CCDC158: variants seen among roughly 807,000 people sequenced by gnomAD.
CCDC158 encodes the protein coiled-coil domain containing 158.
A neutral mutation model predicts 138.6 loss-of-function variants in CCDC158; 116 were observed. The observed-to-expected ratio is 0.84, with a 90% CI of 0.72 to 0.98. The LOEUF (loss-of-function observed/expected upper bound fraction) is 0.98, where lower values mean the gene tolerates loss of function less well. Among genes scored for constraint, CCDC158 ranks in the 50% least tolerant of loss-of-function variants. The pLI, the probability that CCDC158 is intolerant of heterozygous loss-of-function variation, is 0.00. For synonymous variants in CCDC158, 436 were observed against 442.4 expected (o/e 0.99, Z 0.18); for missense variants, 1,265 against 1,306.1 (o/e 0.97, Z 0.48).
At chr4:76,351,675 G>A (rs769141931) in intron 17 of CCDC158, 45 bp downstream of exon 17, 1 of 1,139,102 alleles carries the variant, frequency 8.8e-7, no homozygotes, top group South Asian at 1.3e-5. Context: ...GCATATCAAA[G>A]AACGGCATTA....
At chr4:76,407,071 C>G (rs1009187401) in intron 2 of CCDC158, among the ~76,000 whole-genome samples, 2 of 151,998 alleles carry the variant, frequency 1.3e-5, no homozygotes, top group African/African-American at 4.8e-5. Context: ...GGGTGAGGAC[C>G]ACTAAAGTGA....
At chr4:76,316,923 A>AG (rs57553907) in intron 24 of CCDC158, among the ~76,000 whole-genome samples, 1 of 148,108 alleles carries the variant, frequency 6.8e-6, no homozygotes, top group African/African-American at 2.5e-5. Flanking sequence ...AAAAAAAAAA[A>AG]TGCTGAGAGA....
At position 76,411,261 on chromosome 4, in the gene CCDC158, G is replaced by A. The variant is rs186150579; in HGVS notation, c.-74+829C>T. On this transcript the variant is annotated intron_variant, in intron 2 of 24. Coordinates refer to ENST00000682701, the MANE Select transcript of CCDC158 (RefSeq NM_001394954.1). ...TACAAAAAATGAAAAAATTAGCCGG[G>A]CATGGTGGTACTTGCCTGTAGTCCC... Among the ~76,000 whole-genome samples the A allele has an allele frequency of 5.3e-5, 8 of 152,188 alleles. No individual in the cohort carries two copies. In the East Asian group the frequency reaches 1.5e-3, roughly 29 times the overall value.
At chr4:76,406,820 T>C (rs10020290) in intron 2 of CCDC158, among the ~76,000 whole-genome samples, 4,043 of 152,094 alleles carry the variant, frequency 0.027, 174 homozygotes, top group African/African-American at 0.092. Context: ...TGACATACAT[T>C]AAAATAGTAA....
At chr4:76,344,825 G>C in intron 18 of CCDC158, 1 of 1,599,304 alleles carries the variant, frequency 6.3e-7, no homozygotes. Context: ...TGCAGAAACC[G>C]GGAGAGGGTG....
At chr4:76,391,683 GA>G (rs772764181) in intron 4 of CCDC158, among the ~76,000 whole-genome samples, 1 of 151,592 alleles carries the variant, frequency 6.6e-6, no homozygotes, top group Non-Finnish European at 1.5e-5. Context: ...ATAAAGATCA[GA>G]GCAGAAATAA....
intron 18 of CCDC158, among the ~76,000 whole-genome samples, 189 bp from the exon 19 acceptor site, chr4:76,334,356 T>C (rs183586009): frequency 7.6e-4 from 116 of 152,274 alleles, no homozygotes; most frequent in Non-Finnish European, 9.0e-4. Flanking sequence ...GAGTACTATA[T>C]CTAATTTATA....
At chr4:76,351,989 A>T in intron 16 of CCDC158, 177 bp from the exon 17 acceptor site, 1 of 534,026 alleles carries the variant, frequency 1.9e-6, no homozygotes, top group Non-Finnish European at 3.3e-6. Context: ...ACTGGAGGCC[A>T]TGTTTTTATC....
chr4:76,420,387 G>A (rs28587474), intron 1 of CCDC158, among the ~76,000 whole-genome samples: 4,582 of 152,270 alleles, frequency 0.03, 217 homozygotes, highest in African/African-American at 0.1. Flanking sequence ...TTCAGCATGA[G>A]GCACAAACAA....
At chr4:76,376,981 A>G (rs2870231) in intron 9 of CCDC158, among the ~76,000 whole-genome samples, 4,481 of 152,354 alleles carry the variant, frequency 0.029, 221 homozygotes, top group African/African-American at 0.1. Context: ...GTTTGTATCT[A>G]TATGACCCCA....
At chr4:76,417,305 T>C (rs556240089) in intron 1 of CCDC158, among the ~76,000 whole-genome samples, 2 of 152,352 alleles carry the variant, frequency 1.3e-5, no homozygotes, top group South Asian at 4.1e-4. Context: ...TAGCTTGTTT[T>C]TGATTTTACA....
intron 1 of CCDC158, among the ~76,000 whole-genome samples, chr4:76,416,985 G>A (rs1223672673): frequency 6.6e-6 from 1 of 152,164 alleles, no homozygotes; most frequent in Non-Finnish European, 1.5e-5. Context: ...CCAACACCTT[G>A]CACTGTGCAC....
chr4:76,348,421 C>A (rs1177103066), intron 18 of CCDC158, among the ~76,000 whole-genome samples: 7 of 111,282 alleles, frequency 6.3e-5, no homozygotes, highest in Non-Finnish European at 1.0e-4. Context: ...GGCAACAGAG[C>A]AATACTCTGT....
At chr4:76,367,139 AT>A (rs1724751726) in intron 12 of CCDC158, among the ~76,000 whole-genome samples, 154 bp downstream of exon 12, 3 of 147,622 alleles carry the variant, frequency 2.0e-5, no homozygotes, top group South Asian at 2.2e-4. Flanking sequence ...AAAAGTATTT[AT>A]CCTTTCTCAC....
Position 76,313,135 on chromosome 4 carries a change from C to A in CCDC158, c.*35G>T, listed in dbSNP as rs1030017038. The A allele has an allele frequency of 7.2e-7, 1 of 1,380,406 alleles. No individual in the cohort carries two copies. The highest frequency in any genetic ancestry group is 1.0e-6 in the Non-Finnish European group (1 of 992,084). The allele number at this position is 1,380,406 out of a possible 1,614,324, so 85.5% of individuals were successfully genotyped here. A position where few individuals can be genotyped will look rare whatever the true frequency, so the allele number is the denominator to read the frequency against. ...ACGAGTAACACCACAATTAATTGGG[C>A]CTCATTCCTCTGTAAAGAATAGGCA... On this transcript the variant is annotated 3_prime_UTR_variant, in exon 25 of 25. Transcript: ENST00000682701.
intron 23 of CCDC158, among the ~76,000 whole-genome samples, chr4:76,323,690 G>A (rs1263544762): frequency 3.9e-5 from 6 of 152,196 alleles, no homozygotes; most frequent in Non-Finnish European, 8.8e-5. Context: ...TAAGATGGGT[G>A]AAAAGAACAC....
intron 10 of CCDC158, 39 bp downstream of exon 10, chr4:76,371,378 C>A: frequency 6.3e-7 from 1 of 1,584,804 alleles, no homozygotes; most frequent in Non-Finnish European, 8.6e-7. Flanking sequence ...AAAAACTTCC[C>A]AGAATTAGTC....
At chr4:76,367,827 G>A (rs1347860265) in intron 11 of CCDC158, 51 bp from the exon 12 acceptor site, 2 of 1,515,532 alleles carry the variant, frequency 1.3e-6, no homozygotes, top group Non-Finnish European at 1.8e-6. Context: ...ATAGGTATAG[G>A]CAACCTCAAG....
rs781102118 is a variant in CCDC158, at chr4:76,353,229, G to A, written c.2339C>T (p.Thr780Ile). The A allele has an allele frequency of 3.1e-6, 5 of 1,613,106 alleles. No individual in the cohort carries two copies. In the Admixed American group the frequency reaches 6.7e-5, roughly 22 times the overall value. ...EKSKLSQELS[T>I]VATEKNKMAG... The stretch of plus-strand genomic sequence containing the variant: ...CATCTTGTTTTTTTCTGTGGCAACA[G>A]TACTCAATTCCTGACTGAGTTTACT... Residue 780 changes from threonine (T) to isoleucine (I), a missense_variant, in exon 16 of 25, where the codon ACT becomes ATT. By Grantham distance (89) the Thr-to-Ile change is moderately conservative (BLOSUM62 -1). Coordinates refer to ENST00000682701, the MANE Select transcript of CCDC158 (RefSeq NM_001394954.1).
Sources: gnomAD v4.1 joint callset for allele counts (sites outside exome capture counted in the v4.1 genomes callset) on GRCh38, gnomAD v4.1.1 for gene constraint, MANE v1.5 for transcripts, NCBI Gene and HGNC (gene_info 2026-07-23, HGNC 2026-07-21) for gene names.